The following ZNF730 variants were observed in gnomAD, a reference collection of about 807,000 sequenced individuals.
ZNF730 encodes putative zinc finger protein 730.
Under a neutral mutation model 12.6 loss-of-function variants are expected in ZNF730, and 12 were observed. That is an observed-to-expected ratio of 0.95 (90% CI 0.61 to 1.54). The LOEUF (loss-of-function observed/expected upper bound fraction) is 1.54. Among genes scored for constraint, ZNF730 ranks in the 40% most tolerant of loss-of-function variants. ZNF730 has a pLI of 0.00. For missense variants in ZNF730, 643 were observed against 583.5 expected (o/e 1.10, Z -1.05); for synonymous variants, 194 against 195.8 (o/e 0.99, Z 0.08).
intron 1 of ZNF730, chr19:23,123,789 A>G (rs1277959662): frequency 6.5e-6 from 1 of 153,836 alleles, no homozygotes; most frequent in African/African-American, 2.4e-5. Context: ...TTTTCTTTCA[A>G]TATAATCTTG....
upstream of ZNF730, among the ~76,000 whole-genome samples, chr19:23,113,294 G>A (rs149535502): frequency 1.9e-3 from 284 of 152,246 alleles, 1 homozygote; most frequent in African/African-American, 6.5e-3. Flanking sequence ...CAAACTCTTC[G>A]TATTATCCTC....
At chr19:23,094,440 T>G (rs1177126152) in intron 1 of ZNF730, among the ~76,000 whole-genome samples, 1 of 151,272 alleles carries the variant, frequency 6.6e-6, no homozygotes, top group African/African-American at 2.4e-5. Context: ...GGTAGGTAGG[T>G]AGGTGGTAGG....
intron 3 of ZNF730, among the ~76,000 whole-genome samples, chr19:23,142,749 A>G (rs560855829): frequency 2.6e-5 from 4 of 151,164 alleles, no homozygotes; most frequent in East Asian, 1.9e-4. Context: ...TATATTTTTA[A>G]ATAATTTTAT....
chr19:23,084,364 C>G (rs774461078), intron 1 of ZNF730, among the ~76,000 whole-genome samples: 1 of 151,988 alleles, frequency 6.6e-6, no homozygotes, highest in Admixed American at 6.6e-5. Context: ...TTCAGCTTTG[C>G]GCTTTTAAAA....
At chr19:23,121,337 TTGTG>T (rs3048873) in intron 1 of ZNF730, among the ~76,000 whole-genome samples, 2 of 150,608 alleles carry the variant, frequency 1.3e-5, no homozygotes, top group Non-Finnish European at 3.0e-5. Context: ...TCTAAGAACT[TTGTG>T]TGTGTGTGTG....
Position 23,117,100 on chromosome 19 carries a change from C to T in ZNF730, c.-74C>T, listed in dbSNP as rs1970538748. The T allele has an allele frequency of 6.2e-7, 1 of 1,609,940 alleles. No homozygotes were observed. Among genetic ancestry groups the T allele is most frequent in the South Asian group, 1.1e-5 (1 of 90,970 alleles). On this transcript the variant is annotated 5_prime_UTR_variant, in exon 1 of 4. Transcript: ENST00000597761. ...GTGTCCTCTGCACGTAGAAGCCCAG[C>T]CTGTGTGGCCCTGCGACCTGCGGGT...
intron 1 of ZNF730, among the ~76,000 whole-genome samples, chr19:23,080,095 G>C (rs558686177): frequency 6.6e-6 from 1 of 151,730 alleles, no homozygotes; most frequent in African/African-American, 2.4e-5. Context: ...ACAGGCACGC[G>C]CCACCATGCC....
chr19:23,125,819 T>A, intron 1 of ZNF730: 1 of 183,012 alleles, frequency 5.5e-6, no homozygotes, highest in South Asian at 1.3e-4. Context: ...AGGATGATAG[T>A]TTTTTTGTTA....
At chr19:23,076,459 C>T (rs1255477174) in intron 1 of ZNF730, among the ~76,000 whole-genome samples, 1 of 152,166 alleles carries the variant, frequency 6.6e-6, no homozygotes, top group Admixed American at 6.5e-5. Flanking sequence ...TTACAGGGCC[C>T]TTTACAGCAG....
intron 1 of ZNF730, among the ~76,000 whole-genome samples, chr19:23,081,712 C>T (rs980957785): frequency 3.9e-5 from 6 of 152,170 alleles, no homozygotes; most frequent in Non-Finnish European, 8.8e-5. Flanking sequence ...ACCTCGGCCT[C>T]CCAAAGTGCT....
At chr19:23,114,601 C>T (rs142786529), upstream of ZNF730, among the ~76,000 whole-genome samples, 8,208 of 152,116 alleles carry the variant, frequency 0.054, 259 homozygotes, top group Middle Eastern at 0.088. Context: ...ATCCGCCCGC[C>T]TCGGCCTCCC....
At position 23,136,052 on chromosome 19, in the gene ZNF730, C is replaced by T. The variant is rs1317142765; in HGVS notation, c.226+9C>T. On this transcript the variant is annotated intron_variant, in intron 3 of 3. Coordinates refer to ENST00000597761, the MANE Select transcript of ZNF730 (RefSeq NM_001277403.2). ...GGTAGCCAAACCCCCAGGTAGGTGA[C>T]AGTAAATACAATACACAAAACTGAT... 1 of 1,572,740 alleles carries T rather than the reference C, an allele frequency of 6.4e-7. No homozygotes were observed. Among genetic ancestry groups the T allele is most frequent in the East Asian group, 2.3e-5 (1 of 43,696 alleles).
intron 1 of ZNF730, among the ~76,000 whole-genome samples, chr19:23,091,702 A>T (rs1257377067): frequency 6.6e-6 from 1 of 152,114 alleles, no homozygotes; most frequent in Non-Finnish European, 1.5e-5. Flanking sequence ...ATTTTGTCCA[A>T]TTTATCTCAT....
chr19:23,104,700 A>G (rs1371267178), intron 1 of ZNF730, among the ~76,000 whole-genome samples: 1 of 152,190 alleles, frequency 6.6e-6, no homozygotes, highest in Admixed American at 6.5e-5. Flanking sequence ...GTTTGTTTTA[A>G]CCAAGGCTTT....
intron 1 of ZNF730, among the ~76,000 whole-genome samples, chr19:23,097,116 TCTC>T (rs1970264876): frequency 6.6e-6 from 1 of 152,096 alleles, no homozygotes. Flanking sequence ...ATTTAACTCT[TCTC>T]CTGACTTTCT....
At chr19:23,088,463 G>GT (rs1970103565) in intron 1 of ZNF730, among the ~76,000 whole-genome samples, 1 of 151,768 alleles carries the variant, frequency 6.6e-6, no homozygotes, top group African/African-American at 2.4e-5. Flanking sequence ...TTGTTTGTTT[G>GT]TTTTTTGTTT....
intron 1 of ZNF730, among the ~76,000 whole-genome samples, chr19:23,130,339 G>T (rs929305592): frequency 6.6e-6 from 1 of 152,124 alleles, no homozygotes; most frequent in Non-Finnish European, 1.5e-5. Context: ...TGCCATGATT[G>T]TGAGGCCTCC....
At chr19:23,135,221 T>TAAAAAA (rs57748615) in intron 2 of ZNF730, among the ~76,000 whole-genome samples, 3 of 38,816 alleles carry the variant, frequency 7.7e-5, no homozygotes, top group African/African-American at 1.8e-4. Flanking sequence ...GAATGATCAA[T>TAAAAAA]AAAAAAAAAA....
chr19:23,146,921 C>T lies in ZNF730; in HGVS notation c.*365C>T, dbSNP rs1424984563. 2.2e-6 allele frequency: 1 copy of T among 450,504 alleles called. No homozygotes were observed. The highest frequency in any genetic ancestry group is 4.1e-6 in the Non-Finnish European group (1 of 245,366). 27.9% of individuals were successfully genotyped at this position (450,504 alleles called of 1,614,324 possible). ...AGTTTTAACAGTGCTTTTGACAACA[C>T]CTCAAACTTTTCCAGATGTCAAAGA... On this transcript the variant is annotated 3_prime_UTR_variant, in exon 4 of 4. Coordinates refer to ENST00000597761, the MANE Select transcript of ZNF730 (RefSeq NM_001277403.2).
Sources: allele counts gnomAD v4.1 joint callset (sites outside exome capture counted in the v4.1 genomes callset), GRCh38; gene constraint gnomAD v4.1.1; transcripts MANE v1.5; gene names NCBI Gene and HGNC (gene_info 2026-07-23, HGNC 2026-07-21).